Variants in DSCAM observed in about 807,000 individuals in gnomAD.
DSCAM encodes cell adhesion molecule DSCAM.
A neutral mutation model predicts 217.7 loss-of-function variants in DSCAM; 47 were observed. That is an observed-to-expected ratio of 0.22 (90% confidence interval 0.17 to 0.28). The LOEUF is 0.28. Among genes scored for constraint, DSCAM ranks in the 10% least tolerant of loss-of-function variants. The probability of loss-of-function intolerance (pLI) is 1.00; values close to 1 mark genes in which losing one functional copy is unlikely to be tolerated. For synonymous variants in DSCAM, 1,056 were observed against 1,015.3 expected (o/e 1.04, Z -0.76); for missense variants, 2,080 against 2,618.3 (o/e 0.79, Z 4.49).
At chr21:40,537,527 C>CCCTAGTA (rs1363274140) in intron 3 of DSCAM, among the ~76,000 whole-genome samples, 1 of 151,812 alleles carries the variant, frequency 6.6e-6, no homozygotes, top group East Asian at 1.9e-4. Flanking sequence ...AAGTACTAAT[C>CCCTAGTA]CCTAGTACCT....
chr21:40,563,387 G>A (rs2076735653), intron 3 of DSCAM, among the ~76,000 whole-genome samples: 2 of 149,302 alleles, frequency 1.3e-5, no homozygotes, highest in East Asian at 2.0e-4. Context: ...TTGATCTGGT[G>A]GAACTCTGAG....
At position 40,717,302 on chromosome 21, in the gene DSCAM, G is replaced by A. The variant is rs115817046; in HGVS notation, c.44-8531C>T. Among the ~76,000 whole-genome samples the A allele has an allele frequency of 7.1e-3, 1,074 of 152,276 alleles. 8 individuals are homozygous for A. The highest frequency in any genetic ancestry group is 0.024 in the African/African-American group (1,008 of 41,546). The stretch of plus-strand genomic sequence containing the variant: ...TCAGGTGCCAAGCTAAAAAGCATGC[G>A]CTTAGCCCTGCAGACAATAAGGACA... On this transcript the variant is annotated intron_variant, in intron 1 of 32. Transcript: ENST00000400454.
intron 6 of DSCAM, among the ~76,000 whole-genome samples, chr21:40,342,947 G>C (rs1414575951): frequency 6.6e-6 from 1 of 151,124 alleles, no homozygotes; most frequent in Non-Finnish European, 1.5e-5. Context: ...TCTAATCCTT[G>C]AATATGGTAT....
At chr21:40,523,800 A>AACAC (rs141294590) in intron 3 of DSCAM, among the ~76,000 whole-genome samples, 6 of 149,946 alleles carry the variant, frequency 4.0e-5, no homozygotes, top group South Asian at 2.1e-4. Context: ...GTAACACACA[A>AACAC]ACACACACAC....
chr21:40,277,768 G>A (rs1033818943), intron 10 of DSCAM, among the ~76,000 whole-genome samples: 1 of 151,192 alleles, frequency 6.6e-6, no homozygotes, highest in African/African-American at 2.4e-5. Context: ...TACTTGAGAG[G>A]CTGAGGCAGA....
At chr21:40,445,500 G>C (rs2075667488) in intron 3 of DSCAM, among the ~76,000 whole-genome samples, 1 of 152,166 alleles carries the variant, frequency 6.6e-6, no homozygotes, top group African/African-American at 2.4e-5. Flanking sequence ...GGGTATCTCA[G>C]CTATGAAGCC....
At position 40,637,586 on chromosome 21, in the gene DSCAM, C is replaced by CATATATAAATATATATATAAAT. The variant is rs2089813613; in HGVS notation, c.508+55202_508+55223dup. On this transcript the variant is annotated intron_variant, in intron 3 of 32. Coordinates refer to ENST00000400454, the MANE Select transcript of DSCAM (RefSeq NM_001389.5). ...ATATATAAATATATATAAATATATA[C>CATATATAAATATATATATAAAT]ATATATAAATATATATATAAATATA... is the stretch of plus-strand genomic sequence containing the variant. Among the ~76,000 whole-genome samples, 3 of 45,736 alleles carry CATATATAAATATATATATAAAT rather than the reference C, an allele frequency of 6.6e-5. 1 individual carries two copies. Among genetic ancestry groups the CATATATAAATATATATATAAAT allele is most frequent in the Admixed American group, 3.7e-4 (1 of 2,692 alleles). 30.0% of individuals were successfully genotyped at this position (45,736 alleles called of 152,430 possible).
At chr21:40,224,648 A>C (rs948627677) in intron 11 of DSCAM, among the ~76,000 whole-genome samples, 1 of 152,220 alleles carries the variant, frequency 6.6e-6, no homozygotes, top group African/African-American at 2.4e-5. Flanking sequence ...ATGAGCAAAA[A>C]TCAACAATTG....
intron 32 of DSCAM, among the ~76,000 whole-genome samples, chr21:40,015,786 C>G (rs1291659212): frequency 1.3e-5 from 2 of 152,132 alleles, no homozygotes; most frequent in African/African-American, 2.4e-5. Context: ...TTAATATATC[C>G]CATCACCTCC....
At chr21:40,364,783 CACAT>C (rs1174556073) in intron 4 of DSCAM, among the ~76,000 whole-genome samples, 1 of 147,038 alleles carries the variant, frequency 6.8e-6, no homozygotes, top group Non-Finnish European at 1.5e-5. Context: ...TATATATACA[CACAT>C]ACATATATAT....
chr21:40,626,296 C>T (rs181913832), intron 3 of DSCAM, among the ~76,000 whole-genome samples: 283 of 152,254 alleles, frequency 1.9e-3, no homozygotes, highest in African/African-American at 6.5e-3. Context: ...AAATGTATCT[C>T]ACATCTCTCC....
chr21:40,228,638 CT>C (rs1215954767), intron 11 of DSCAM, among the ~76,000 whole-genome samples: 19 of 145,386 alleles, frequency 1.3e-4, no homozygotes, highest in African/African-American at 4.5e-4. Context: ...CCCTCCACCT[CT>C]TTTCTTTTTT....
intron 10 of DSCAM, among the ~76,000 whole-genome samples, chr21:40,287,033 G>A (rs2073836223): frequency 6.9e-6 from 1 of 145,384 alleles, no homozygotes; most frequent in South Asian, 2.2e-4. Flanking sequence ...GGTGTGATCT[G>A]CAGTGTGATC....
intron 3 of DSCAM, among the ~76,000 whole-genome samples, chr21:40,650,049 G>A (rs527834529): frequency 1.4e-4 from 21 of 152,300 alleles, no homozygotes; most frequent in African/African-American, 4.8e-4. Flanking sequence ...TTATTGCAGG[G>A]GTGAAGGAGC....
chr21:40,461,413 C>T (rs2075805008), intron 3 of DSCAM, among the ~76,000 whole-genome samples: 1 of 152,108 alleles, frequency 6.6e-6, no homozygotes, highest in South Asian at 2.1e-4. Context: ...GTAGCCCTGC[C>T]ACAAATACTG....
At chr21:40,314,142 T>C (rs1204975824) in intron 8 of DSCAM, among the ~76,000 whole-genome samples, 5 of 152,208 alleles carry the variant, frequency 3.3e-5, no homozygotes, top group African/African-American at 4.8e-5. Flanking sequence ...CTTCCATATA[T>C]AGCCATAGGC....
At chr21:40,800,479 G>T (rs112574826) in intron 1 of DSCAM, among the ~76,000 whole-genome samples, 14 of 152,268 alleles carry the variant, frequency 9.2e-5, no homozygotes, top group African/African-American at 3.1e-4. Flanking sequence ...TTGGTTAAAT[G>T]GTGGTGACCA....
chr21:40,709,158 T>C (rs1437124267), intron 1 of DSCAM, among the ~76,000 whole-genome samples: 1 of 152,168 alleles, frequency 6.6e-6, no homozygotes, highest in African/African-American at 2.4e-5. Flanking sequence ...CTTAATTTAC[T>C]CCCACTATTA....
intron 1 of DSCAM, among the ~76,000 whole-genome samples, chr21:40,759,421 G>A (rs1295664192): frequency 6.6e-6 from 1 of 152,114 alleles, no homozygotes; most frequent in South Asian, 2.1e-4. Flanking sequence ...ATCTTTTTAA[G>A]CCTGAATAAA....
Sources: allele counts gnomAD v4.1 joint callset (sites outside exome capture counted in the v4.1 genomes callset), GRCh38; gene constraint gnomAD v4.1.1; transcripts MANE v1.5; gene names NCBI Gene and HGNC (gene_info 2026-07-23, HGNC 2026-07-21).